Variants in GAS7 observed in about 807,000 individuals in gnomAD.
GAS7 encodes the protein growth arrest-specific protein 7.
A neutral mutation model predicts 71.1 loss-of-function variants in GAS7; 28 were observed. The observed-to-expected ratio is 0.39, with a 90% CI of 0.29 to 0.54. The LOEUF (loss-of-function observed/expected upper bound fraction) is 0.54, where lower values mean the gene tolerates loss of function less well. GAS7 is among the 20% of genes least tolerant of loss of function. GAS7 has a pLI of 0.62. For synonymous variants in GAS7, 258 were observed against 245.8 expected (o/e 1.05, Z -0.46); for missense variants, 436 against 627.8 (o/e 0.69, Z 3.27).
chr17:10,007,551 G>A (rs1027780819), intron 2 of GAS7, among the ~76,000 whole-genome samples: 3 of 149,458 alleles, frequency 2.0e-5, no homozygotes, highest in Non-Finnish European at 4.4e-5. Context: ...CTTAGAACCC[G>A]GGAGGCAGAG....
chr17:10,121,398 T>A (rs535391573), intron 1 of GAS7, among the ~76,000 whole-genome samples: 22 of 152,084 alleles, frequency 1.4e-4, no homozygotes, highest in Admixed American at 3.3e-4. Flanking sequence ...AAATAAAAAA[T>A]TTAAAAATTT....
intron 1 of GAS7, among the ~76,000 whole-genome samples, chr17:10,111,748 G>A (rs978470482): frequency 2.6e-5 from 4 of 152,276 alleles, no homozygotes; most frequent in Non-Finnish European, 4.4e-5. Context: ...TCCTTGGTGG[G>A]TCTGGCAGCC....
chr17:10,107,972 A>G (rs769248691), intron 1 of GAS7, among the ~76,000 whole-genome samples: 2 of 150,744 alleles, frequency 1.3e-5, no homozygotes, highest in Non-Finnish European at 3.0e-5. Context: ...CAGGAGAACC[A>G]CCTTACACAC....
rs370662354 is a variant in GAS7 at position 9,959,309 on chromosome 17, T to A, written c.472-54A>T. 1.2e-6 allele frequency: 2 copies of A among 1,612,592 alleles called. No individual in the cohort carries two copies. Among genetic ancestry groups the A allele is most frequent in the Non-Finnish European group, 1.7e-6 (2 of 1,179,298 alleles). On this transcript the variant is annotated intron_variant, in intron 4 of 13. Coordinates refer to ENST00000432992, the MANE Select transcript of GAS7 (RefSeq NM_201433.2). This position sits in a 1 kb window ranked among gnomAD's most constrained non-coding sequence, Gnocchi z 5.0. Reference sequence around the variant, plus strand: ...AAGCTGTTCTCCATATTGGACATTTTTTCCCCCCATTCAGGTTCCCTGAGG... The same window carrying A: ...AAGCTGTTCTCCATATTGGACATTTATTCCCCCCATTCAGGTTCCCTGAGG...
rs1333024193 is a variant in GAS7, at chr17:10,142,042, C to T, written c.183+56166G>A. Among the ~76,000 whole-genome samples the T allele has an allele frequency of 2.6e-5, 4 of 151,900 alleles. No individual in the cohort carries two copies. In the South Asian group the frequency reaches 6.2e-4, roughly 24 times the overall value. On this transcript the variant is annotated intron_variant, in intron 1 of 13. Coordinates refer to ENST00000432992, the MANE Select transcript of GAS7 (RefSeq NM_201433.2). The stretch of plus-strand genomic sequence containing the variant: ...AGGAGATCAAGACCATCCTGGCTAA[C>T]ATGGTGAAACCCCGTCTCTACTAAA...
chr17:9,939,254 C>T (rs2068509970), intron 8 of GAS7, among the ~76,000 whole-genome samples: 1 of 152,150 alleles, frequency 6.6e-6, no homozygotes, highest in Non-Finnish European at 1.5e-5. Context: ...TTCCATTTCC[C>T]CCAGGGGTGC....
Position 10,163,713 on chromosome 17 carries a change from T to G in GAS7, c.183+34495A>C, listed in dbSNP as rs900637992. Among the ~76,000 whole-genome samples, 14 of 152,102 alleles carry G rather than the reference T, an allele frequency of 9.2e-5. 2 individuals carry two copies. Among genetic ancestry groups the G allele is most frequent in the Admixed American group, 6.6e-4 (10 of 15,262 alleles). ...TCCAATCCATCCTTGGCATTCCCAT[T>G]CTCCCAGCAAGCCCCCAAGACTTTC... On this transcript the variant is annotated intron_variant, in intron 1 of 13. Coordinates refer to ENST00000432992, the MANE Select transcript of GAS7 (RefSeq NM_201433.2).
intron 1 of GAS7, among the ~76,000 whole-genome samples, chr17:10,179,145 C>T (rs755795392): frequency 3.9e-5 from 6 of 152,086 alleles, no homozygotes; most frequent in Non-Finnish European, 8.8e-5. Context: ...GCCTGACCAA[C>T]ATGGAGAAAC....
intron 1 of GAS7, among the ~76,000 whole-genome samples, chr17:10,117,748 G>A (rs1405495770): frequency 1.3e-5 from 2 of 152,182 alleles, no homozygotes; most frequent in Non-Finnish European, 2.9e-5. Flanking sequence ...AGAGCAGCCA[G>A]GAGGCGCCTG....
intron 9 of GAS7, among the ~76,000 whole-genome samples, chr17:9,928,343 C>T (rs1174455293): frequency 3.3e-5 from 5 of 150,700 alleles, no homozygotes; most frequent in African/African-American, 9.8e-5. Flanking sequence ...AGGATGGTCT[C>T]GATCTCCTGA....
intron 8 of GAS7, among the ~76,000 whole-genome samples, chr17:9,936,545 T>C (rs117454570): frequency 0.013 from 1,928 of 152,218 alleles, 95 homozygotes; most frequent in East Asian, 0.097. Flanking sequence ...GGAAGACATG[T>C]CTCCAGACAT....
At chr17:9,993,481 C>A (rs575495426) in intron 2 of GAS7, among the ~76,000 whole-genome samples, 1 of 152,178 alleles carries the variant, frequency 6.6e-6, no homozygotes, top group African/African-American at 2.4e-5. Flanking sequence ...ATTCAACAAC[C>A]CTTCATGCTA....
At chr17:9,996,344 T>A (rs1355596675) in intron 2 of GAS7, among the ~76,000 whole-genome samples, 1 of 146,230 alleles carries the variant, frequency 6.8e-6, no homozygotes, top group African/African-American at 2.6e-5. Flanking sequence ...CACCACATGT[T>A]CTCACTCATA....
In GAS7 at chr17:9,914,533, G is replaced by A. The variant is rs1411161905; in HGVS notation, c.*2695C>T. ...GAGCCACCGTGCCCGACCCTTATTT[G>A]TAAAGAGTTATTTAAAGCAAACAGA... On this transcript the variant is annotated 3_prime_UTR_variant, in exon 14 of 14. Transcript: ENST00000432992. 2 of 189,930 alleles carry A rather than the reference G, an allele frequency of 1.1e-5. No individual in the cohort carries two copies. The highest frequency in any genetic ancestry group is 2.2e-5 in the Non-Finnish European group (2 of 90,574). 11.8% of individuals were successfully genotyped at this position (189,930 alleles called of 1,614,324 possible).
intron 1 of GAS7, among the ~76,000 whole-genome samples, chr17:10,139,033 G>A (rs1567607248): frequency 1.3e-5 from 2 of 152,116 alleles, no homozygotes; most frequent in Non-Finnish European, 2.9e-5. Flanking sequence ...CTTGGTATTA[G>A]CGCCAGCCTA....
At chr17:9,925,753 A>G (rs557481183) in intron 10 of GAS7, among the ~76,000 whole-genome samples, 154 bp from the exon 11 acceptor site, 39 of 152,264 alleles carry the variant, frequency 2.6e-4, no homozygotes, top group African/African-American at 8.9e-4. Context: ...CCAGAGTGGC[A>G]CCACCCAGCT....
At chr17:10,044,303 A>G (rs1412222811) in intron 1 of GAS7, among the ~76,000 whole-genome samples, 8 of 152,262 alleles carry the variant, frequency 5.3e-5, no homozygotes, top group Non-Finnish European at 1.2e-4. Flanking sequence ...AGGGCTGATC[A>G]GCATCACATG....
At chr17:10,099,436 C>A (rs1000070124) in intron 1 of GAS7, among the ~76,000 whole-genome samples, 1 of 152,144 alleles carries the variant, frequency 6.6e-6, no homozygotes, top group Non-Finnish European at 1.5e-5. Flanking sequence ...GTTTAAACAC[C>A]GTCATGCTGT....
rs1163401744 is a variant in GAS7 at position 10,026,342 on chromosome 17, C to A, written c.184-6445G>T. 1 of 963,608 alleles carries A rather than the reference C, an allele frequency of 1.0e-6. No individual in the cohort carries two copies. Among genetic ancestry groups the A allele is most frequent in the East Asian group, 1.1e-4 (1 of 8,726 alleles). 59.7% of individuals were successfully genotyped at this position (963,608 alleles called of 1,614,324 possible). On this transcript the variant is annotated intron_variant, in intron 1 of 13. Transcript: ENST00000432992. This position sits in a 1 kb window ranked among gnomAD's most constrained non-coding sequence, Gnocchi z 4.5. ...CCCCACACCCCCACTCCCCCCACAC[C>A]CAGATCTATATATAACAGCTCTGAA...
Sources: gnomAD v4.1 joint callset for allele counts (sites outside exome capture counted in the v4.1 genomes callset) on GRCh38, gnomAD v4.1.1 for gene constraint, Gnocchi (gnomAD v3.1) non-coding constraint, MANE v1.5 for transcripts, NCBI Gene and HGNC (gene_info 2026-07-23, HGNC 2026-07-21) for gene names.